The following ATXN1 variants were observed in gnomAD, a reference collection of about 807,000 sequenced individuals.
ATXN1 encodes ataxin-1.
ATXN1 carries 8 observed loss-of-function variants against 56.4 expected under a neutral mutation model. The observed-to-expected ratio is 0.14, with a 90% CI of 0.08 to 0.26. ATXN1 has a LOEUF of 0.26. ATXN1 is among the 10% of genes least tolerant of loss of function. ATXN1 has a pLI of 1.00. For synonymous variants in ATXN1, 514 were observed against 494.6 expected (o/e 1.04, Z -0.52); for missense variants, 987 against 1,106.5 (o/e 0.89, Z 1.53).
At chr6:16,401,921 C>T (rs1758582191) in intron 6 of ATXN1, among the ~76,000 whole-genome samples, 2 of 152,162 alleles carry the variant, frequency 1.3e-5, no homozygotes, top group Admixed American at 1.3e-4. Context: ...TACAGTTCCA[C>T]ATGGCTGAGG....
At chr6:16,382,237 T>A (rs191242505) in intron 6 of ATXN1, among the ~76,000 whole-genome samples, 62 of 151,824 alleles carry the variant, frequency 4.1e-4, no homozygotes, top group Admixed American at 3.9e-3. Flanking sequence ...GAGGCGGAGC[T>A]TGCAGTGAGC....
At chr6:16,685,480 T>C (rs1012741870) in intron 2 of ATXN1, among the ~76,000 whole-genome samples, 2 of 152,164 alleles carry the variant, frequency 1.3e-5, no homozygotes, top group East Asian at 3.9e-4. Context: ...ATACACAATA[T>C]TGCTGCTGCA....
At chr6:16,317,903 C>T (rs754939141) in intron 7 of ATXN1, among the ~76,000 whole-genome samples, 22 of 152,132 alleles carry the variant, frequency 1.4e-4, no homozygotes, top group South Asian at 4.1e-4. Flanking sequence ...GAGACAACAC[C>T]GACTCACTTC....
At chr6:16,750,617 G>A (rs1303542265) in intron 2 of ATXN1, among the ~76,000 whole-genome samples, 5 of 152,090 alleles carry the variant, frequency 3.3e-5, no homozygotes, top group Non-Finnish European at 5.9e-5. Flanking sequence ...GTGACTTTGC[G>A]CTACTTCGTC....
intron 6 of ATXN1, among the ~76,000 whole-genome samples, chr6:16,341,877 ATT>A (rs34092584): frequency 3.5e-5 from 3 of 86,854 alleles, no homozygotes; most frequent in African/African-American, 9.8e-5. Flanking sequence ...TGTCTCAGTG[ATT>A]TTTTTTTTTT....
At chr6:16,350,518 G>A (rs952249816) in intron 6 of ATXN1, among the ~76,000 whole-genome samples, 3 of 152,124 alleles carry the variant, frequency 2.0e-5, no homozygotes, top group Non-Finnish European at 2.9e-5. Flanking sequence ...TACCTCTCTC[G>A]CACTTCACTC....
At chr6:16,433,760 G>A (rs993931518) in intron 6 of ATXN1, among the ~76,000 whole-genome samples, 1 of 152,214 alleles carries the variant, frequency 6.6e-6, no homozygotes, top group Non-Finnish European at 1.5e-5. Flanking sequence ...TCAAAGGAAG[G>A]CCAGAAATAG....
chr6:16,364,022 T>C (rs183821978), intron 6 of ATXN1, among the ~76,000 whole-genome samples: 25 of 152,326 alleles, frequency 1.6e-4, no homozygotes, highest in African/African-American at 5.3e-4. Context: ...CAAGGTATTT[T>C]GGCAGCAGGT....
chr6:16,542,159 C>T (rs1761727155), intron 4 of ATXN1, among the ~76,000 whole-genome samples: 1 of 151,982 alleles, frequency 6.6e-6, no homozygotes, highest in South Asian at 2.1e-4. Flanking sequence ...TTCCCCACTG[C>T]CTGAGTTGCT....
intron 6 of ATXN1, among the ~76,000 whole-genome samples, chr6:16,454,671 C>G (rs571112309): frequency 3.9e-5 from 6 of 152,306 alleles, no homozygotes; most frequent in Admixed American, 3.9e-4. Flanking sequence ...CTCTTACTGC[C>G]ATAGACTTAG....
chr6:16,490,039 G>A (rs1238001449), intron 5 of ATXN1, among the ~76,000 whole-genome samples: 1 of 150,618 alleles, frequency 6.6e-6, no homozygotes, highest in South Asian at 2.1e-4. Flanking sequence ...CAGGGCCAGA[G>A]AGATGCTGAG....
At chr6:16,553,383 G>T (rs1026417143) in intron 4 of ATXN1, among the ~76,000 whole-genome samples, 1 of 152,154 alleles carries the variant, frequency 6.6e-6, no homozygotes, top group African/African-American at 2.4e-5. Context: ...TGGAAGTCCT[G>T]CATGGCCTTC....
intron 2 of ATXN1, among the ~76,000 whole-genome samples, chr6:16,749,161 A>G (rs940077002): frequency 3.3e-5 from 5 of 152,236 alleles, no homozygotes; most frequent in Non-Finnish European, 7.3e-5. Context: ...GGAATCCTCT[A>G]AAGTTACAAA....
chr6:16,594,523 G>A (rs898224942), intron 3 of ATXN1, among the ~76,000 whole-genome samples: 8 of 142,606 alleles, frequency 5.6e-5, no homozygotes, highest in South Asian at 2.2e-4. Context: ...TCATTCTGTC[G>A]CCAGGCTGGA....
chr6:16,665,924 A>G (rs1363404597), intron 2 of ATXN1, among the ~76,000 whole-genome samples: 1 of 152,238 alleles, frequency 6.6e-6, no homozygotes, highest in Non-Finnish European at 1.5e-5. Flanking sequence ...ACAAGCACAC[A>G]ATGTGTAATG....
rs1760617827 is a variant in ATXN1 at position 16,320,285 on chromosome 6, TAAC to T, written c.1917+6106_1917+6108del. Among the ~76,000 whole-genome samples, 5 of 152,038 alleles carry T rather than the reference TAAC, an allele frequency of 3.3e-5. No homozygotes were observed. In the South Asian group the frequency reaches 1.0e-3, roughly 32 times the overall value. ...TAGACAGCCAGTAAGTACATCATGA[TAAC>T]AACTGCTGTACGAGCACACACACAG... On this transcript the variant is annotated intron_variant, in intron 7 of 7. Transcript: ENST00000436367.
chr6:16,484,836 T>C (rs1044366906), intron 6 of ATXN1, among the ~76,000 whole-genome samples: 1 of 152,118 alleles, frequency 6.6e-6, no homozygotes, highest in Non-Finnish European at 1.5e-5. Context: ...CTCCCTGATA[T>C]ATGCTACACT....
chr6:16,721,044 G>T (rs1019701203), intron 2 of ATXN1, among the ~76,000 whole-genome samples: 1 of 152,154 alleles, frequency 6.6e-6, no homozygotes, highest in African/African-American at 2.4e-5. Context: ...ACACCCAGAG[G>T]ATAACCAGCT....
chr6:16,593,137 A>G (rs569077509), intron 3 of ATXN1, among the ~76,000 whole-genome samples: 14 of 152,190 alleles, frequency 9.2e-5, no homozygotes, highest in Non-Finnish European at 1.9e-4. Context: ...TGACTGCTGC[A>G]TTTTATAATA....
Sources: allele counts gnomAD v4.1 joint callset (sites outside exome capture counted in the v4.1 genomes callset), GRCh38; gene constraint gnomAD v4.1.1; transcripts MANE v1.5; gene names NCBI Gene and HGNC (gene_info 2026-07-23, HGNC 2026-07-21).